The following KLF12 variants were observed in gnomAD, a reference collection of about 807,000 sequenced individuals.
The protein encoded by KLF12 is Krueppel-like factor 12.
A neutral mutation model predicts 37.8 loss-of-function variants in KLF12; 9 were observed. That is an observed-to-expected ratio of 0.24 (90% CI 0.14 to 0.42). The LOEUF (loss-of-function observed/expected upper bound fraction) is 0.42. KLF12 is among the 10% of genes least tolerant of loss of function. The pLI, the probability that KLF12 is intolerant of heterozygous loss-of-function variation, is 1.00. For missense variants in KLF12, 411 were observed against 516.0 expected, an observed-to-expected ratio of 0.80 and a Z score of 1.97; for synonymous variants, 208 against 202.1, an observed-to-expected ratio of 1.03 and a Z score of -0.25.
the KLF12 span, among the ~76,000 whole-genome samples, chr13:74,275,866 C>CT: frequency 2.2e-5 from 2 of 91,092 alleles, no homozygotes; most frequent in African/African-American, 4.5e-5. Flanking sequence ...TTCTTTCTTT[C>CT]TATCTTTCTT....
In KLF12 at chr13:73,889,284, T is replaced by C. The variant is rs556724908; in HGVS notation, c.124-42911A>G. 7.9e-5 allele frequency among the ~76,000 whole-genome samples: 12 copies of C among 152,372 alleles called. No homozygotes were observed. In the South Asian group the frequency reaches 1.4e-3, roughly 18 times the overall value. On this transcript the variant is annotated intron_variant, in intron 3 of 7. Transcript: ENST00000377669. ...GTATGTATATGTGTATGTGCATACA[T>C]AGCGCCAATCTCCATTTTATCTATG...
upstream of KLF12, among the ~76,000 whole-genome samples, chr13:74,138,451 G>C (rs1878620117): frequency 6.6e-6 from 1 of 152,180 alleles, no homozygotes; most frequent in Non-Finnish European, 1.5e-5. Context: ...GTATGAGAAA[G>C]TGAGAAAGAC....
chr13:74,215,360 G>A, the KLF12 span, among the ~76,000 whole-genome samples: 3,080 of 134,860 alleles, frequency 0.023, 43 homozygotes, highest in Middle Eastern at 0.059. Context: ...TTCTTCCTCT[G>A]TATTCCATAT....
intron 1 of KLF12, among the ~76,000 whole-genome samples, chr13:74,067,808 T>A (rs1018676178): frequency 2.6e-5 from 4 of 152,184 alleles, no homozygotes; most frequent in Admixed American, 2.6e-4. Flanking sequence ...ATGGTCTTAT[T>A]TAACATTTTT....
At chr13:73,774,037 G>A (rs999818296) in intron 5 of KLF12, among the ~76,000 whole-genome samples, 1 of 152,066 alleles carries the variant, frequency 6.6e-6, no homozygotes, top group African/African-American at 2.4e-5. Context: ...ATTATATGGA[G>A]AGTGATTATT....
At chr13:74,189,574 A>G in the KLF12 span, among the ~76,000 whole-genome samples, 1 of 152,208 alleles carries the variant, frequency 6.6e-6, no homozygotes, top group Non-Finnish European at 1.5e-5. Context: ...CGGAATAGGT[A>G]ATATAGTCAC....
At chr13:74,193,064 C>T in the KLF12 span, among the ~76,000 whole-genome samples, 3 of 148,310 alleles carry the variant, frequency 2.0e-5, no homozygotes, top group South Asian at 2.1e-4. Flanking sequence ...CTGCAACCTG[C>T]GGTTCCCGGG....
At chr13:73,709,267 C>T (rs903240717) in intron 7 of KLF12, among the ~76,000 whole-genome samples, 2 of 152,012 alleles carry the variant, frequency 1.3e-5, no homozygotes, top group African/African-American at 2.4e-5. Flanking sequence ...TTATATGGTA[C>T]AAAAAGATGA....
intron 4 of KLF12, among the ~76,000 whole-genome samples, chr13:73,836,146 T>C (rs1162786128): frequency 3.9e-5 from 6 of 152,126 alleles, no homozygotes; most frequent in African/African-American, 1.4e-4. Flanking sequence ...AAGAATTGAG[T>C]ATGTGATTAT....
intron 3 of KLF12, among the ~76,000 whole-genome samples, chr13:73,883,366 G>A (rs887707168): frequency 2.6e-5 from 4 of 152,236 alleles, no homozygotes; most frequent in Middle Eastern, 3.4e-3. Context: ...GAAGTCAGAC[G>A]ATAAATTTAA....
the KLF12 span, among the ~76,000 whole-genome samples, chr13:74,213,721 A>G: frequency 6.6e-6 from 1 of 151,530 alleles, no homozygotes. Flanking sequence ...ATATTAACAT[A>G]GTTCGAACTC....
At chr13:73,807,574 T>C (rs775198395) in intron 5 of KLF12, among the ~76,000 whole-genome samples, 28 of 152,276 alleles carry the variant, frequency 1.8e-4, no homozygotes, top group Non-Finnish European at 3.7e-4. Flanking sequence ...CAATGAACCA[T>C]TTAAAAAGAA....
At chr13:74,111,856 C>T (rs1416847781) in intron 1 of KLF12, among the ~76,000 whole-genome samples, 2 of 152,198 alleles carry the variant, frequency 1.3e-5, no homozygotes, top group South Asian at 4.1e-4. Context: ...AAAAGTTCCA[C>T]TTATAAAAAA....
Position 73,738,092 on chromosome 13 carries a change from CATATATAT to C in KLF12, c.870-22575_870-22568del, listed in dbSNP as rs778759106. On this transcript the variant is annotated intron_variant, in intron 6 of 7. Coordinates refer to ENST00000377669, the MANE Select transcript of KLF12 (RefSeq NM_007249.5). The stretch of plus-strand genomic sequence containing the variant: ...ATACACACACATATATGTATGTGTA[CATATATAT>C]ATATATATATATATATATATATATA... Among the ~76,000 whole-genome samples, 466 of 116,702 alleles carry C rather than the reference CATATATAT, an allele frequency of 4.0e-3. 4 individuals carry two copies. Among genetic ancestry groups the C allele is most frequent in the Non-Finnish European group, 5.8e-3 (330 of 56,810 alleles). 76.6% of individuals were successfully genotyped at this position (116,702 alleles called of 152,430 possible). A position where few individuals can be genotyped will look rare whatever the true frequency, so the allele number is the denominator to read the frequency against.
chr13:73,802,833 G>C (rs1882350870), intron 5 of KLF12, among the ~76,000 whole-genome samples: 1 of 152,064 alleles, frequency 6.6e-6, no homozygotes. Flanking sequence ...ATATTCCATG[G>C]GATATACAGG....
intron 3 of KLF12, among the ~76,000 whole-genome samples, chr13:73,890,716 T>TA (rs1273947916): frequency 3.7e-4 from 54 of 146,686 alleles, no homozygotes; most frequent in Admixed American, 8.9e-4. Flanking sequence ...GAGATAAGTT[T>TA]AAAAAAAAAA....
At chr13:73,798,200 G>A (rs944185215) in intron 5 of KLF12, among the ~76,000 whole-genome samples, 4 of 152,144 alleles carry the variant, frequency 2.6e-5, no homozygotes, top group Non-Finnish European at 5.9e-5. Flanking sequence ...ATGGTGCTGG[G>A]AAAACTGGCC....
rs76457955 is a variant in KLF12 at position 73,979,954 on chromosome 13, G to A, written c.33+15036C>T. Among the ~76,000 whole-genome samples, 6 of 152,254 alleles carry A rather than the reference G, an allele frequency of 3.9e-5. No individual in the cohort carries two copies. In the East Asian group the frequency reaches 5.8e-4, roughly 15 times the overall value. On this transcript the variant is annotated intron_variant, in intron 2 of 7. Transcript: ENST00000377669. Reference sequence around the variant, plus strand: ...AAGACACACAGAAAAAAAAGACCACGTGAAGGCACAGGGTGAAGACAGCCA... The same window carrying A: ...AAGACACACAGAAAAAAAAGACCACATGAAGGCACAGGGTGAAGACAGCCA...
At chr13:73,952,275 T>C (rs1890674874) in intron 2 of KLF12, among the ~76,000 whole-genome samples, 2 of 152,176 alleles carry the variant, frequency 1.3e-5, no homozygotes, top group African/African-American at 4.8e-5. Flanking sequence ...TCCACAGGCT[T>C]GTACACGAAG....
Sources: allele counts gnomAD v4.1 joint callset (sites outside exome capture counted in the v4.1 genomes callset), GRCh38; gene constraint gnomAD v4.1.1; transcripts MANE v1.5; gene names NCBI Gene and HGNC (gene_info 2026-07-23, HGNC 2026-07-21).